The following THEMIS variants were observed in gnomAD, a reference collection of about 807,000 sequenced individuals.
THEMIS encodes thymocyte selection associated, also known as protein THEMIS.
In THEMIS, 37 loss-of-function variants were observed where a neutral mutation model predicts 52.6. That is an observed-to-expected ratio of 0.70 (90% CI 0.54 to 0.93). The LOEUF is 0.93. THEMIS is among the 40% of genes least tolerant of loss of function. THEMIS has a pLI of 0.00. For synonymous variants in THEMIS, 292 were observed against 272.7 expected, an observed-to-expected ratio of 1.07 and a Z score of -0.70; for missense variants, 808 against 763.1, an observed-to-expected ratio of 1.06 and a Z score of -0.69.
At chr6:127,855,834 A>G (rs1163809186) in intron 1 of THEMIS, among the ~76,000 whole-genome samples, 1 of 151,962 alleles carries the variant, frequency 6.6e-6, no homozygotes, top group African/African-American at 2.4e-5. Context: ...ACCTTTTATC[A>G]TAGATGCTAC....
chr6:127,743,903 T>C (rs1470570887), intron 4 of THEMIS, among the ~76,000 whole-genome samples: 1 of 152,090 alleles, frequency 6.6e-6, no homozygotes, highest in Non-Finnish European at 1.5e-5. Flanking sequence ...TAATTTTACT[T>C]TGAACAATAA....
chr6:127,844,166 A>G (rs2114704732), intron 2 of THEMIS, among the ~76,000 whole-genome samples: 2 of 152,148 alleles, frequency 1.3e-5, no homozygotes, highest in Middle Eastern at 6.8e-3. Context: ...GCTAGGGCAG[A>G]CTCAGCGTAA....
chr6:127,904,182 A>G (rs751830112), upstream of THEMIS, among the ~76,000 whole-genome samples: 1 of 152,086 alleles, frequency 6.6e-6, no homozygotes, highest in Non-Finnish European at 1.5e-5. Context: ...CCTCCAGGAA[A>G]AGTCAGAGAA....
intron 1 of THEMIS, among the ~76,000 whole-genome samples, chr6:127,859,271 T>C (rs1187833129): frequency 2.0e-5 from 3 of 152,082 alleles, no homozygotes; most frequent in Non-Finnish European, 2.9e-5. Context: ...ATATTTATCA[T>C]TTTCTTCAAA....
At position 127,855,473 on chromosome 6, in the gene THEMIS, A is replaced by G. The variant is rs17242431; in HGVS notation, c.92-285T>C. Among the ~76,000 whole-genome samples, 1,088 of 152,034 alleles carry G rather than the reference A, an allele frequency of 7.2e-3. 12 individuals carry two copies. Among genetic ancestry groups the G allele is most frequent in the Non-Finnish European group, 0.012 (815 of 67,896 alleles). ...CAGCTCATCTTACCATGGTCAAACT[A>G]CAAACGTATCTTCCACTACTGAGAT... On this transcript the variant is annotated intron_variant, in intron 1 of 5. Coordinates refer to ENST00000368248, the MANE Select transcript of THEMIS (RefSeq NM_001010923.3).
intron 2 of THEMIS, among the ~76,000 whole-genome samples, chr6:127,850,515 A>C (rs1779384446): frequency 6.6e-6 from 1 of 151,918 alleles, no homozygotes; most frequent in Non-Finnish European, 1.5e-5. Flanking sequence ...AAATGGATTA[A>C]AAAATGTAGT....
At chr6:127,720,147 A>T (rs965663417) in intron 4 of THEMIS, among the ~76,000 whole-genome samples, 4 of 151,890 alleles carry the variant, frequency 2.6e-5, no homozygotes, top group Non-Finnish European at 5.9e-5. Context: ...TTTTATTATT[A>T]TAGTTAACTA....
intron 4 of THEMIS, among the ~76,000 whole-genome samples, chr6:127,781,222 G>A (rs2114481125): frequency 6.6e-6 from 1 of 151,772 alleles, no homozygotes; most frequent in South Asian, 2.1e-4. Context: ...AAGTTCTTGT[G>A]CCGTGTTTTT....
intron 4 of THEMIS, among the ~76,000 whole-genome samples, chr6:127,745,530 G>C (rs1303526496): frequency 6.6e-6 from 1 of 151,740 alleles, no homozygotes; most frequent in Non-Finnish European, 1.5e-5. Flanking sequence ...TACAAGTACT[G>C]GTCTGTTGCT....
chr6:127,724,793 CAAAG>C (rs1209021229), intron 4 of THEMIS, among the ~76,000 whole-genome samples: 1 of 151,748 alleles, frequency 6.6e-6, no homozygotes, highest in African/African-American at 2.4e-5. Context: ...GTCTCACAAA[CAAAG>C]AAAGGAACAA....
chr6:127,813,887 C>G lies in THEMIS; in HGVS notation c.754G>C (p.Val252Leu). The change falls in exon 4 of 6, where the codon GTC becomes CTC. Residue 252 changes from valine to leucine, a missense_variant. By Grantham distance (32) the Val-to-Leu change is conservative. Coordinates refer to ENST00000368248, the MANE Select transcript of THEMIS (RefSeq NM_001010923.3). ...TCGTAAGAATCAGTGATGTCTTTGA[C>G]TTCGACATCTAGACTGGGGAGGATG... ...IRILPSLDVE[V>L]KDITDSYDAN... The G allele has an allele frequency of 1.2e-6, 2 of 1,601,548 alleles. No individual in the cohort carries two copies. The highest frequency in any genetic ancestry group is 1.7e-6 in the Non-Finnish European group (2 of 1,175,898).
Position 127,876,445 on chromosome 6 carries a change from G to A in THEMIS, c.92-21257C>T, listed in dbSNP as rs146890507. Reference sequence around the variant, plus strand: ...TACATCAAATGGTCATCCTTAAACAGAGATGGTCCTGTCTAATTCCTTTTC... The same window carrying A: ...TACATCAAATGGTCATCCTTAAACAAAGATGGTCCTGTCTAATTCCTTTTC... On this transcript the variant is annotated intron_variant, in intron 1 of 5. Coordinates refer to ENST00000368248, the MANE Select transcript of THEMIS (RefSeq NM_001010923.3). Among the ~76,000 whole-genome samples, 305 of 152,306 alleles carry A rather than the reference G, an allele frequency of 2.0e-3. 2 individuals carry two copies. The highest frequency in any genetic ancestry group is 6.0e-3 in the South Asian group (29 of 4,816).
intron 4 of THEMIS, among the ~76,000 whole-genome samples, chr6:127,745,944 C>G (rs1227188573): frequency 6.6e-6 from 1 of 151,778 alleles, no homozygotes; most frequent in African/African-American, 2.4e-5. Context: ...ATTGTTTAAA[C>G]CTATTCTCCT....
rs909915926 is a variant in THEMIS at position 127,709,368 on chromosome 6, A to G, written c.*617T>C. The G allele has an allele frequency of 6.6e-6, 1 of 152,048 alleles. No individual in the cohort carries two copies. The highest frequency in any genetic ancestry group is 1.5e-5 in the Non-Finnish European group (1 of 67,956). 9.4% of individuals were successfully genotyped at this position (152,048 alleles called of 1,614,324 possible). ...GGGTCATAGAAGAGAAGGTTATGGA[A>G]AACTCCTATGACTCTCAATGGCTTT... On this transcript the variant is annotated 3_prime_UTR_variant, in exon 6 of 6. Coordinates refer to ENST00000368248, the MANE Select transcript of THEMIS (RefSeq NM_001010923.3).
At position 127,709,126 on chromosome 6, in the gene THEMIS, G is replaced by A. The variant is rs1448471920; in HGVS notation, c.*859C>T. 6.6e-6 allele frequency: 1 copy of A among 151,970 alleles called. No individual in the cohort carries two copies. Among genetic ancestry groups the A allele is most frequent in the South Asian group, 2.1e-4 (1 of 4,828 alleles). 9.4% of individuals were successfully genotyped at this position (151,970 alleles called of 1,614,324 possible). A position where few individuals can be genotyped will look rare whatever the true frequency, so the allele number is the denominator to read the frequency against. On this transcript the variant is annotated 3_prime_UTR_variant, in exon 6 of 6. Coordinates refer to ENST00000368248, the MANE Select transcript of THEMIS (RefSeq NM_001010923.3). Reference sequence around the variant, plus strand: ...ACAACTATAAGAGCATCATTCTGATGTATACTAATTAAGAATCACTTTGGT... The same window carrying A: ...ACAACTATAAGAGCATCATTCTGATATATACTAATTAAGAATCACTTTGGT...
chr6:127,779,165 GT>G (rs1019524829), intron 4 of THEMIS, among the ~76,000 whole-genome samples: 15 of 152,234 alleles, frequency 9.9e-5, no homozygotes, highest in Non-Finnish European at 2.2e-4. Context: ...GGTTCAACGT[GT>G]TCCTCTAAGT....
intron 4 of THEMIS, among the ~76,000 whole-genome samples, chr6:127,794,516 C>T (rs1777261868): frequency 6.6e-6 from 1 of 152,114 alleles, no homozygotes; most frequent in Non-Finnish European, 1.5e-5. Context: ...TTATTTAATA[C>T]AGGGTCTTAG....
chr6:127,891,548 A>C (rs1233048755), intron 1 of THEMIS, among the ~76,000 whole-genome samples: 1 of 150,512 alleles, frequency 6.6e-6, no homozygotes, highest in African/African-American at 2.4e-5. Flanking sequence ...CAAAAAAAAA[A>C]AAAAAAAAGA....
chr6:127,772,921 C>G (rs369056926), intron 4 of THEMIS, among the ~76,000 whole-genome samples: 1 of 152,244 alleles, frequency 6.6e-6, no homozygotes, highest in East Asian at 1.9e-4. Flanking sequence ...TTAGACTTCT[C>G]TTGGCTCTGC....
Sources: allele counts gnomAD v4.1 joint callset (sites outside exome capture counted in the v4.1 genomes callset), GRCh38; gene constraint gnomAD v4.1.1; transcripts MANE v1.5; gene names NCBI Gene and HGNC (gene_info 2026-07-23, HGNC 2026-07-21).